The following MYPN variants were observed in gnomAD, a reference collection of about 807,000 sequenced individuals.
The protein encoded by MYPN is sarcomeric protein myopalladin, 145 kDa (MYOP).
In MYPN, 63 loss-of-function variants were observed where a neutral mutation model predicts 129.4. The observed-to-expected ratio is 0.49, with a 90% CI of 0.40 to 0.60. The LOEUF (loss-of-function observed/expected upper bound fraction) is 0.60. MYPN is among the 20% of genes least tolerant of loss of function. MYPN has a pLI of 0.00. For missense variants in MYPN, 1,596 were observed against 1,635.4 expected (o/e 0.98, Z 0.42); for synonymous variants, 629 against 600.9 (o/e 1.05, Z -0.68).
intron 6 of MYPN, 116 bp from the exon 7 acceptor site, chr10:68,158,370 G>A (rs1053276856): frequency 1.8e-5 from 17 of 969,444 alleles, no homozygotes; most frequent in Non-Finnish European, 2.5e-5. Context: ...AGATGTAGAT[G>A]CTTTGGAGAA....
intron 1 of MYPN, among the ~76,000 whole-genome samples, chr10:68,100,987 A>G (rs1343770826): frequency 6.6e-6 from 1 of 152,198 alleles, no homozygotes; most frequent in Non-Finnish European, 1.5e-5. Flanking sequence ...GGCACATGAT[A>G]AGTTTTCAGT....
chr10:68,208,197 C>G (rs962406227), intron 19 of MYPN, among the ~76,000 whole-genome samples: 36 of 151,906 alleles, frequency 2.4e-4, no homozygotes, highest in African/African-American at 8.5e-4. Context: ...ATTAGAAAAT[C>G]TCACATTCAA....
chr10:68,165,828 C>T lies in MYPN; in HGVS notation c.1600+10C>T. On this transcript the variant is annotated intron_variant, in intron 9 of 19. Coordinates refer to ENST00000358913, the MANE Select transcript of MYPN (RefSeq NM_032578.4). ...CAGCTGCACGTGAGAGGTAAGGACT[C>T]TTTAATGCTAGAACAGTTTAGCCTA... 1 of 1,600,336 alleles carries T rather than the reference C, an allele frequency of 6.2e-7. No individual in the cohort carries two copies. The highest frequency in any genetic ancestry group is 8.6e-7 in the Non-Finnish European group (1 of 1,167,436).
Position 68,180,333 on chromosome 10 carries a change from G to A in MYPN, c.2703+4872G>A, listed in dbSNP as rs186886266. The stretch of plus-strand genomic sequence containing the variant: ...TCCAAGTAGATGGGACTACAGGCAC[G>A]TGCCACTACTCGTGGCTAATTTTTG... On this transcript the variant is annotated intron_variant, in intron 12 of 19. Transcript: ENST00000358913. Among the ~76,000 whole-genome samples the A allele has an allele frequency of 1.6e-3, 248 of 152,182 alleles. No homozygotes were observed. The South Asian group carries it at 0.023, about 14-fold the overall frequency.
chr10:68,123,177 C>T (rs1388018595), intron 2 of MYPN, among the ~76,000 whole-genome samples: 1 of 150,516 alleles, frequency 6.6e-6, no homozygotes. Context: ...GAGTTCAAGA[C>T]CAGCCTGGCC....
In MYPN at chr10:68,166,340, T is replaced by C. The variant is rs2673794; in HGVS notation, c.1647T>C (p.Ser549=). Residue 549 remains serine (S), a synonymous_variant, in exon 10 of 20, where the codon TCT becomes TCC. Transcript: ENST00000358913. The part of the protein sequence containing the change: ...SNNGSLHSAN[S]TTNLAAIEPQ... ...ACGGGTCTCTTCACTCAGCCAACTCTACCACCAACCTGGCAGCTATTGAGC... is the reference window on the plus strand; with the variant it reads ...ACGGGTCTCTTCACTCAGCCAACTCCACCACCAACCTGGCAGCTATTGAGC... 1,068,479 of 1,613,676 alleles carry C rather than the reference T, an allele frequency of 0.66. 361,854 individuals are homozygous for C. The highest frequency in any genetic ancestry group is 0.7 in the Non-Finnish European group (820,567 of 1,179,896).
Position 68,180,493 on chromosome 10 carries a change from A to G in MYPN, c.2703+5032A>G, listed in dbSNP as rs12098627. Among the ~76,000 whole-genome samples, 1,474 of 152,308 alleles carry G rather than the reference A, an allele frequency of 9.7e-3. 26 individuals carry two copies. The highest frequency in any genetic ancestry group is 0.034 in the African/African-American group (1,398 of 41,566). ...GGGCCACTGTGCCCGGCCTACCTCC[A>G]AGTTTATTTAAGAATCCTTTCTTCT... is the stretch of plus-strand genomic sequence containing the variant. On this transcript the variant is annotated intron_variant, in intron 12 of 19. Coordinates refer to ENST00000358913, the MANE Select transcript of MYPN (RefSeq NM_032578.4).
chr10:68,091,875 A>G lies in MYPN; in HGVS notation c.-2+3883A>G, dbSNP rs547238630. On this transcript the variant is annotated intron_variant, in intron 1 of 6. Coordinates refer to the MYPN transcript ENST00000685154. The stretch of plus-strand genomic sequence containing the variant: ...AGCCAAAAAAAAAAAATTACAAGAG[A>G]AAAATCACCCGTAATTCTGCTCCCT... Among the ~76,000 whole-genome samples the G allele has an allele frequency of 5.3e-5, 8 of 151,572 alleles. No homozygotes were observed. The East Asian group carries it at 1.5e-3, about 29-fold the overall frequency.
intron 7 of MYPN, among the ~76,000 whole-genome samples, chr10:68,161,368 T>G (rs1381519751): frequency 1.3e-5 from 2 of 152,078 alleles, no homozygotes; most frequent in Non-Finnish European, 2.9e-5. Flanking sequence ...TGGTGGCACA[T>G]GCCTATAATT....
chr10:68,122,459 G>A (rs1393234587), intron 2 of MYPN, 119 bp downstream of exon 2: 8 of 1,044,346 alleles, frequency 7.7e-6, no homozygotes, highest in Non-Finnish European at 1.2e-5. Flanking sequence ...GAGAAAAGTA[G>A]TCGGTATCTA....
chr10:68,207,334 C>T (rs2043833646), intron 19 of MYPN, among the ~76,000 whole-genome samples: 1 of 152,096 alleles, frequency 6.6e-6, no homozygotes, highest in East Asian at 1.9e-4. Flanking sequence ...TATTTTAGTG[C>T]TTAAGAGATA....
intron 18 of MYPN, among the ~76,000 whole-genome samples, chr10:68,206,107 G>C (rs540191806): frequency 6.6e-6 from 1 of 152,262 alleles, no homozygotes; most frequent in South Asian, 2.1e-4. Context: ...GCCAACAAGG[G>C]GTGTAGGGAA....
chr10:68,163,824 A>C (rs1182494921), intron 8 of MYPN, among the ~76,000 whole-genome samples: 7 of 152,122 alleles, frequency 4.6e-5, no homozygotes, highest in Non-Finnish European at 1.0e-4. Context: ...CAGCCTGATT[A>C]ATGCTTAACT....
At chr10:68,207,737 G>A (rs773194653) in intron 19 of MYPN, among the ~76,000 whole-genome samples, 1 of 152,128 alleles carries the variant, frequency 6.6e-6, no homozygotes, top group Admixed American at 6.5e-5. Context: ...GATTCAAAGT[G>A]ATACCTTTAA....
intron 18 of MYPN, among the ~76,000 whole-genome samples, chr10:68,203,685 G>C (rs568511672): frequency 8.3e-6 from 1 of 119,942 alleles, no homozygotes; most frequent in Non-Finnish European, 1.8e-5. Flanking sequence ...CCTAAAACGC[G>C]CACGCACACA....
chr10:68,202,875 G>A (rs999329367), intron 18 of MYPN, among the ~76,000 whole-genome samples: 1 of 152,094 alleles, frequency 6.6e-6, no homozygotes, highest in African/African-American at 2.4e-5. Flanking sequence ...GGGATTGTGG[G>A]GGTGTGGGGG....
intron 2 of MYPN, among the ~76,000 whole-genome samples, chr10:68,129,901 A>T (rs2134020388): frequency 6.6e-6 from 1 of 152,298 alleles, no homozygotes; most frequent in Middle Eastern, 3.4e-3. Context: ...GAAAGTTTTA[A>T]ATTTTTGTAG....
intron 1 of MYPN, among the ~76,000 whole-genome samples, chr10:68,090,839 G>A (rs935095089): frequency 1.3e-4 from 20 of 152,150 alleles, no homozygotes; most frequent in African/African-American, 4.6e-4. Flanking sequence ...ACTGTCATAA[G>A]ACCTTGGAGC....
chr10:68,123,954 A>G (rs2042289328), intron 2 of MYPN, among the ~76,000 whole-genome samples: 1 of 152,204 alleles, frequency 6.6e-6, no homozygotes, highest in Non-Finnish European at 1.5e-5. Flanking sequence ...TTAAAGATTC[A>G]TTATACATGT....
Sources: allele counts gnomAD v4.1 joint callset (sites outside exome capture counted in the v4.1 genomes callset), GRCh38; gene constraint gnomAD v4.1.1; transcripts MANE v1.5; gene names NCBI Gene and HGNC (gene_info 2026-07-23, HGNC 2026-07-21).